CACNA1C: variants seen among roughly 807,000 people sequenced by gnomAD.
CACNA1C encodes voltage-dependent L-type calcium channel subunit alpha-1C.
In CACNA1C, 30 loss-of-function variants were observed where a neutral mutation model predicts 229.0. That is an observed-to-expected ratio of 0.13 (90% CI 0.10 to 0.18). The LOEUF (loss-of-function observed/expected upper bound fraction) is 0.18. Ranked by LOEUF, CACNA1C falls within the 10% of genes least tolerant of loss-of-function variation. The probability of loss-of-function intolerance (pLI) is 1.00; values close to 1 mark genes in which losing one functional copy is unlikely to be tolerated. For missense variants in CACNA1C, 1,658 were observed against 2,845.0 expected (o/e 0.58, Z 9.49); for synonymous variants, 1,114 against 1,132.5 (o/e 0.98, Z 0.33).
At chr12:2,453,776 G>A (rs2099399262) in intron 4 of CACNA1C, among the ~76,000 whole-genome samples, 1 of 152,156 alleles carries the variant, frequency 6.6e-6, no homozygotes, top group Admixed American at 6.5e-5. Context: ...TTTCATCTTT[G>A]CAAGCCATGC....
chr12:2,616,957 A>G (rs1344516539), intron 29 of CACNA1C, among the ~76,000 whole-genome samples: 1 of 152,258 alleles, frequency 6.6e-6, no homozygotes, highest in Non-Finnish European at 1.5e-5. Context: ...CTGCCACCAC[A>G]CACAAAGGAC....
At chr12:2,392,016 A>G (rs1032165765) in intron 3 of CACNA1C, among the ~76,000 whole-genome samples, 4 of 152,170 alleles carry the variant, frequency 2.6e-5, no homozygotes, top group Non-Finnish European at 4.4e-5. Flanking sequence ...GCGTTTCACC[A>G]TCTTCCTAAT....
At chr12:2,039,571 G>C (rs1360985469) in intron 1 of CACNA1C, among the ~76,000 whole-genome samples, 1 of 152,200 alleles carries the variant, frequency 6.6e-6, no homozygotes, top group African/African-American at 2.4e-5. Context: ...TCTTGCCCTT[G>C]AGATGTTGAG....
chr12:2,512,304 C>T lies in CACNA1C; in HGVS notation c.1218-508C>T, dbSNP rs1054495122. 6.6e-6 allele frequency among the ~76,000 whole-genome samples: 1 copy of T among 152,118 alleles called. No homozygotes were observed. The highest frequency in any genetic ancestry group is 2.4e-5 in the African/African-American group (1 of 41,434). On this transcript the variant is annotated intron_variant, in intron 8 of 46. Coordinates refer to ENST00000399655, the MANE Select transcript of CACNA1C (RefSeq NM_000719.7). The surrounding 1 kb of genome is among the most constrained non-coding windows in gnomAD (Gnocchi z 4.3). Reference sequence around the variant, plus strand: ...GTTGGGAAGAGACATGAATGATTGGCTCTCAGGACCTGGGGCGAGTGAGTG... The same window carrying T: ...GTTGGGAAGAGACATGAATGATTGGTTCTCAGGACCTGGGGCGAGTGAGTG...
chr12:1,973,415 A>T (rs986751122), intron 1 of CACNA1C, among the ~76,000 whole-genome samples: 3 of 151,984 alleles, frequency 2.0e-5, no homozygotes, highest in African/African-American at 7.3e-5. Flanking sequence ...AACAAACAAA[A>T]CTCTCTGAAT....
intron 1 of CACNA1C, among the ~76,000 whole-genome samples, chr12:2,026,775 G>C (rs575067153): frequency 3.3e-5 from 5 of 152,214 alleles, no homozygotes; most frequent in Admixed American, 6.5e-5. Context: ...TTTCATGTGA[G>C]AGTTTACTGT....
At chr12:2,613,994 G>A (rs2079152857) in intron 29 of CACNA1C, 1 of 152,240 alleles carries the variant, frequency 6.6e-6, no homozygotes, top group Non-Finnish European at 1.5e-5. Context: ...AGTCTGGAGA[G>A]CCTGCAGTGG....
chr12:2,442,071 G>T (rs1289210064), intron 3 of CACNA1C, among the ~76,000 whole-genome samples: 1 of 152,122 alleles, frequency 6.6e-6, no homozygotes, highest in East Asian at 1.9e-4. Flanking sequence ...GCAGCCAGTT[G>T]GTGCCAGAAT....
At chr12:2,593,004 C>A (rs983158386) in intron 18 of CACNA1C, among the ~76,000 whole-genome samples, 3 of 152,152 alleles carry the variant, frequency 2.0e-5, no homozygotes, top group South Asian at 4.1e-4. Context: ...GCCCTACTTA[C>A]AATCCCCCTT....
At chr12:2,438,650 G>C (rs2099182537) in intron 3 of CACNA1C, among the ~76,000 whole-genome samples, 1 of 152,152 alleles carries the variant, frequency 6.6e-6, no homozygotes, top group East Asian at 1.9e-4. Flanking sequence ...GGGAGGGTCA[G>C]ACTGTGACAG....
intron 9 of CACNA1C, among the ~76,000 whole-genome samples, chr12:2,527,884 C>G (rs953927195): frequency 1.3e-5 from 2 of 152,172 alleles, no homozygotes; most frequent in African/African-American, 4.8e-5. Flanking sequence ...TGCTAACCAT[C>G]AGGCCGAGCA....
chr12:2,377,881 A>C (rs1481126303), intron 3 of CACNA1C, among the ~76,000 whole-genome samples: 2 of 152,184 alleles, frequency 1.3e-5, no homozygotes. Context: ...GGGAGAATTC[A>C]CTGTCTCTAC....
At chr12:2,068,971 C>T (rs1445814844) in intron 1 of CACNA1C, among the ~76,000 whole-genome samples, 1 of 152,224 alleles carries the variant, frequency 6.6e-6, no homozygotes, top group Non-Finnish European at 1.5e-5. Flanking sequence ...CAGGGTTCCG[C>T]AGTTCCAGCT....
intron 9 of CACNA1C, among the ~76,000 whole-genome samples, chr12:2,528,527 G>C (rs915252810): frequency 6.6e-6 from 1 of 152,196 alleles, no homozygotes; most frequent in Non-Finnish European, 1.5e-5. Flanking sequence ...ATCTCTGCAC[G>C]GAAAGCCCAG....
chr12:2,260,672 G>A (rs573872863), intron 3 of CACNA1C, among the ~76,000 whole-genome samples: 71 of 152,230 alleles, frequency 4.7e-4, no homozygotes, highest in African/African-American at 1.5e-3. Context: ...CTAAAGTCCT[G>A]TTTTGAACAC....
chr12:1,999,888 G>C (rs956035050), intron 1 of CACNA1C, among the ~76,000 whole-genome samples: 3 of 152,130 alleles, frequency 2.0e-5, no homozygotes, highest in Admixed American at 2.0e-4. Flanking sequence ...TTTCTGAAAT[G>C]TGGCTCGTTT....
chr12:2,411,315 G>A lies in CACNA1C; in HGVS notation c.478-37661G>A, dbSNP rs908917885. On this transcript the variant is annotated intron_variant, in intron 3 of 46. Transcript: ENST00000399655. ...GGTGACTGGAAGTACTCAGTCACGGGCAGAGTCAGAGCCCTAGGACCTTTA... is the reference window on the plus strand; with the variant it reads ...GGTGACTGGAAGTACTCAGTCACGGACAGAGTCAGAGCCCTAGGACCTTTA... 7.2e-5 allele frequency among the ~76,000 whole-genome samples: 11 copies of A among 152,302 alleles called. No homozygotes were observed. In the East Asian group the frequency reaches 2.1e-3, roughly 29 times the overall value.
chr12:1,979,499 A>AG (rs1050707130), intron 1 of CACNA1C, among the ~76,000 whole-genome samples: 1 of 151,690 alleles, frequency 6.6e-6, no homozygotes, highest in Non-Finnish European at 1.5e-5. Flanking sequence ...TTTAGTAGAG[A>AG]GGGGGTTTCA....
intron 1 of CACNA1C, among the ~76,000 whole-genome samples, chr12:2,043,642 C>CTTTTTTTTTTT (rs67625680): frequency 1.1e-5 from 1 of 91,382 alleles, no homozygotes; most frequent in Non-Finnish European, 2.0e-5. Context: ...ACAGAATATT[C>CTTTTTTTTTTT]TTTTTTTTTT....
Sources: gnomAD v4.1 joint callset for allele counts (sites outside exome capture counted in the v4.1 genomes callset) on GRCh38, gnomAD v4.1.1 for gene constraint, Gnocchi (gnomAD v3.1) non-coding constraint, MANE v1.5 for transcripts, NCBI Gene and HGNC (gene_info 2026-07-23, HGNC 2026-07-21) for gene names.